Variants in HNF4G observed in about 807,000 individuals in gnomAD.
HNF4G encodes hepatocyte nuclear factor 4-gamma.
HNF4G carries 21 observed loss-of-function variants against 50.9 expected under a neutral mutation model. That is an observed-to-expected ratio of 0.41 (90% CI 0.29 to 0.59). The LOEUF is 0.59. Ranked by LOEUF, HNF4G falls within the 20% of genes least tolerant of loss-of-function variation. The pLI, the probability that HNF4G is intolerant of heterozygous loss-of-function variation, is 0.26. For synonymous variants in HNF4G, 198 were observed against 185.6 expected (o/e 1.07, Z -0.54); for missense variants, 527 against 559.4 (o/e 0.94, Z 0.58).
chr8:75,442,345 AT>A (rs1811307539), intron 1 of HNF4G, among the ~76,000 whole-genome samples: 1 of 152,064 alleles, frequency 6.6e-6, no homozygotes, highest in South Asian at 2.1e-4. Context: ...TTGCATATAT[AT>A]TTTATAATAA....
chr8:75,530,717 AGCAAAGCT>A (rs967710274), intron 2 of HNF4G, among the ~76,000 whole-genome samples: 6 of 151,978 alleles, frequency 3.9e-5, no homozygotes, highest in Non-Finnish European at 8.8e-5. Flanking sequence ...TCTGAACAAG[AGCAAAGCT>A]GCAAAGAGAT....
At chr8:75,420,121 T>C (rs1810743273) in intron 1 of HNF4G, among the ~76,000 whole-genome samples, 1 of 152,186 alleles carries the variant, frequency 6.6e-6, no homozygotes, top group South Asian at 2.1e-4. Flanking sequence ...CTTCTTAATT[T>C]CTGTCTTCTC....
At chr8:75,525,959 TA>T (rs1283432720) in intron 2 of HNF4G, among the ~76,000 whole-genome samples, 4 of 152,112 alleles carry the variant, frequency 2.6e-5, no homozygotes, top group African/African-American at 9.7e-5. Context: ...CAGAAGCATA[TA>T]ATTTTAAATA....
At chr8:75,411,001 C>T (rs1315017155) in intron 1 of HNF4G, among the ~76,000 whole-genome samples, 1 of 152,064 alleles carries the variant, frequency 6.6e-6, no homozygotes. Context: ...AATTTATATG[C>T]CTTTTGCTTT....
chr8:75,433,926 G>A (rs1307040289), intron 1 of HNF4G, among the ~76,000 whole-genome samples: 1 of 151,512 alleles, frequency 6.6e-6, no homozygotes, highest in African/African-American at 2.4e-5. Context: ...AGTTAAGATA[G>A]GATTCAATAT....
chr8:75,436,948 G>A (rs908372339), intron 1 of HNF4G, among the ~76,000 whole-genome samples: 3 of 152,222 alleles, frequency 2.0e-5, no homozygotes, highest in African/African-American at 7.2e-5. Flanking sequence ...GAAGGCTGAG[G>A]CTGGAGGATC....
In HNF4G at chr8:75,553,210, A is replaced by C. The variant is rs200674286; in HGVS notation, c.645+13A>C. 3.7e-5 allele frequency: 59 copies of C among 1,600,070 alleles called. No individual in the cohort carries two copies. Among genetic ancestry groups the C allele is most frequent in the Non-Finnish European group, 4.9e-5 (57 of 1,172,462 alleles). ...ATTGGATGATCAGGTACACATTTAAAACTTTATAAATGCTTTAAAAATGCT... is the reference window on the plus strand; with the variant it reads ...ATTGGATGATCAGGTACACATTTAACACTTTATAAATGCTTTAAAAATGCT... On this transcript the variant is annotated intron_variant, in intron 5 of 9. Coordinates refer to ENST00000396423, the MANE Select transcript of HNF4G (RefSeq NM_004133.5).
chr8:75,560,788 A>C (rs1392446918), intron 9 of HNF4G, among the ~76,000 whole-genome samples: 6 of 152,190 alleles, frequency 3.9e-5, no homozygotes, highest in Non-Finnish European at 8.8e-5. Context: ...ATGCAAGGGA[A>C]TCTTAATAAT....
chr8:75,535,634 A>G (rs1339909604), upstream of HNF4G, among the ~76,000 whole-genome samples: 1 of 151,924 alleles, frequency 6.6e-6, no homozygotes, highest in Non-Finnish European at 1.5e-5. Flanking sequence ...ATCTCAAAGA[A>G]ATAAGTTTAA....
intron 1 of HNF4G, among the ~76,000 whole-genome samples, chr8:75,463,670 T>C (rs944803253): frequency 1.4e-4 from 22 of 152,158 alleles, no homozygotes; most frequent in Admixed American, 2.0e-4. Context: ...TTTCCTCAAG[T>C]TTTCCTTTCT....
At chr8:75,475,371 T>C (rs1812218599) in intron 1 of HNF4G, among the ~76,000 whole-genome samples, 1 of 152,218 alleles carries the variant, frequency 6.6e-6, no homozygotes, top group Non-Finnish European at 1.5e-5. Flanking sequence ...AGCCAAATAG[T>C]ACCCCTCTGT....
chr8:75,422,560 C>G (rs890414704), intron 1 of HNF4G, among the ~76,000 whole-genome samples: 4 of 151,846 alleles, frequency 2.6e-5, no homozygotes, highest in African/African-American at 9.7e-5. Flanking sequence ...TAAATAAAGG[C>G]TAAATTTAGG....
intron 1 of HNF4G, among the ~76,000 whole-genome samples, chr8:75,428,945 A>G (rs939048961): frequency 1.3e-5 from 2 of 152,164 alleles, no homozygotes; most frequent in African/African-American, 4.8e-5. Context: ...CAGTCAAGAG[A>G]GTATTTTAGT....
At chr8:75,531,522 T>C (rs1476846472) in intron 2 of HNF4G, among the ~76,000 whole-genome samples, 1 of 152,142 alleles carries the variant, frequency 6.6e-6, no homozygotes, top group Non-Finnish European at 1.5e-5. Flanking sequence ...TTGTCTAGGA[T>C]AATAAAATAT....
At position 75,557,837 on chromosome 8, in the gene HNF4G, T is replaced by C. The variant is rs55684217; in HGVS notation, c.734-681T>C. On this transcript the variant is annotated intron_variant, in intron 6 of 9. Transcript: ENST00000396423. The stretch of plus-strand genomic sequence containing the variant: ...ATTTAACTGTTATTTTTGGAAGCTA[T>C]AAAAATTTTCATCATATTATAGCTA... Among the ~76,000 whole-genome samples the C allele has an allele frequency of 5.0e-3, 759 of 152,282 alleles. 13 individuals are homozygous for C. The highest frequency in any genetic ancestry group is 0.018 in the African/African-American group (734 of 41,562).
chr8:75,490,842 A>G (rs1812613016), intron 2 of HNF4G, among the ~76,000 whole-genome samples: 1 of 152,214 alleles, frequency 6.6e-6, no homozygotes, highest in African/African-American at 2.4e-5. Context: ...CTGAAACCAT[A>G]TACTCACATA....
At chr8:75,449,743 G>C (rs113665156) in intron 1 of HNF4G, among the ~76,000 whole-genome samples, 1 of 151,800 alleles carries the variant, frequency 6.6e-6, no homozygotes, top group Non-Finnish European at 1.5e-5. Flanking sequence ...TCCTGACCTC[G>C]TGATCCGCCC....
intron 1 of HNF4G, among the ~76,000 whole-genome samples, chr8:75,469,942 C>T (rs1812074699): frequency 6.6e-6 from 1 of 152,082 alleles, no homozygotes; most frequent in Non-Finnish European, 1.5e-5. Context: ...CTGAGAGTGT[C>T]CCCTGTTTAA....
intron 2 of HNF4G, among the ~76,000 whole-genome samples, chr8:75,504,276 C>CACACACA (rs61687839): frequency 7.1e-6 from 1 of 141,412 alleles, no homozygotes; most frequent in East Asian, 2.2e-4. Context: ...CACACACACA[C>CACACACA]CAAAAACAAC....
Sources: gnomAD v4.1 joint callset for allele counts (sites outside exome capture counted in the v4.1 genomes callset) on GRCh38, gnomAD v4.1.1 for gene constraint, MANE v1.5 for transcripts, NCBI Gene and HGNC (gene_info 2026-07-23, HGNC 2026-07-21) for gene names.